The following MTHFSD variants were observed in gnomAD, a reference collection of about 807,000 sequenced individuals.
MTHFSD encodes methenyltetrahydrofolate synthetase domain containing, also known as methenyltetrahydrofolate synthase domain-containing protein.
Under a neutral mutation model 31.1 loss-of-function variants are expected in MTHFSD, and 37 were observed. The ratio of observed to expected loss-of-function variants is 1.19; its 90% CI spans 0.91 to 1.56. The LOEUF (loss-of-function observed/expected upper bound fraction) is 1.56, where lower values mean the gene tolerates loss of function less well. Ranked by LOEUF, MTHFSD falls within the 40% of genes most tolerant of loss-of-function variation. The pLI is 0.00. For synonymous variants in MTHFSD, 221 were observed against 206.9 expected, an observed-to-expected ratio of 1.07 and a Z score of -0.59; for missense variants, 664 against 510.1, an observed-to-expected ratio of 1.30 and a Z score of -2.91.
intron 4 of MTHFSD, among the ~76,000 whole-genome samples, chr16:86,547,834 T>G (rs975631728): frequency 1.3e-5 from 2 of 152,182 alleles, no homozygotes; most frequent in African/African-American, 4.8e-5. Context: ...TGTCTTATTT[T>G]TTCTTCTCAG....
At position 86,542,253 on chromosome 16, in the gene MTHFSD, G is replaced by A. The variant is rs1420160075; in HGVS notation, c.443-40C>T. ...AGAATCAGTATCGCTGTGCGGTCCG[G>A]GGCATCGCTGAGAAGTGGATTTTCC... On this transcript the variant is annotated intron_variant, in intron 5 of 7. Transcript: ENST00000360900. This position sits in a 1 kb window ranked among gnomAD's most constrained non-coding sequence, Gnocchi z 4.6. 2 of 1,535,908 alleles carry A rather than the reference G, an allele frequency of 1.3e-6. No individual in the cohort carries two copies.
intron 2 of MTHFSD, chr16:86,553,756 T>C (rs556444920): frequency 6.5e-6 from 1 of 152,860 alleles, no homozygotes; most frequent in South Asian, 2.1e-4. Flanking sequence ...TGCACGGGAC[T>C]GGCAGGCAGC....
chr16:86,534,896 C>G (rs970497133), intron 7 of MTHFSD, among the ~76,000 whole-genome samples: 1 of 152,146 alleles, frequency 6.6e-6, no homozygotes, highest in African/African-American at 2.4e-5. Context: ...TGGGGTCCAT[C>G]GGGAGCTGCG....
rs750496527 is a variant in MTHFSD at position 86,546,618 on chromosome 16, A to T, written c.383T>A (p.Leu128Ter). ...GVRNYSVPIG[L>*]DSRVLVDLVV... ...TAAATCCACGAGGACTCTGGAGTCC[A>T]AGCCTATGGGGACACTGTAGTTCCT... Residue 128 changes from leucine (L) to a stop codon, truncating the protein, a stop_gained, in exon 5 of 8, where the codon TTG becomes TAG. Coordinates refer to ENST00000360900, the MANE Select transcript of MTHFSD (RefSeq NM_001159377.2). LOFTEE classifies it high-confidence loss of function. 1.2e-6 allele frequency: 2 copies of T among 1,613,988 alleles called. No individual in the cohort carries two copies. The highest frequency in any genetic ancestry group is 1.6e-4 in the Middle Eastern group (1 of 6,062).
rs530341251 is a variant in MTHFSD, at chr16:86,535,892, C to T, written c.682-3411G>A. Among the ~76,000 whole-genome samples, 10 of 152,276 alleles carry T rather than the reference C, an allele frequency of 6.6e-5. No homozygotes were observed. In the East Asian group the frequency reaches 1.9e-3, roughly 29 times the overall value. ...AGAGACAGGGTCTCACTGTGTCACC[C>T]AGGCTGGAGTACAGTGGCACAACTC... On this transcript the variant is annotated intron_variant, in intron 7 of 7. Coordinates refer to ENST00000360900, the MANE Select transcript of MTHFSD (RefSeq NM_001159377.2).
In MTHFSD at chr16:86,554,727, C is replaced by A; in HGVS notation, c.41G>T (p.Arg14Leu). 6.2e-7 allele frequency: 1 copy of A among 1,614,080 alleles called. No homozygotes were observed. The highest frequency in any genetic ancestry group is 8.5e-7 in the Non-Finnish European group (1 of 1,179,932). ...RAVGVSKQDIREQIWGYMESQ... is the reference protein window; with the variant it reads ...RAVGVSKQDILEQIWGYMESQ... ...TTCCATGTAGCCCCAAATTTGTTCA[C>A]GTATGTCCTGTTTGGAGACACCTAC... Residue 14 changes from arginine (R) to leucine (L), a missense_variant, in exon 2 of 8, where the codon CGT (arginine) becomes CTT (leucine). Physicochemically the swap from Arg to Leu is moderately radical, Grantham distance 102. Coordinates refer to ENST00000360900, the MANE Select transcript of MTHFSD (RefSeq NM_001159377.2).
intron 5 of MTHFSD, among the ~76,000 whole-genome samples, chr16:86,544,940 G>A (rs1005376243): frequency 6.6e-6 from 1 of 152,188 alleles, no homozygotes; most frequent in East Asian, 1.9e-4. Flanking sequence ...ATTATCCTCA[G>A]CAAACGAACG....
At chr16:86,540,013 C>T (rs1325378530) in intron 7 of MTHFSD, among the ~76,000 whole-genome samples, 1 of 152,182 alleles carries the variant, frequency 6.6e-6, no homozygotes, top group African/African-American at 2.4e-5. Flanking sequence ...TATAACCTAG[C>T]ACTGAACTGT....
chr16:86,552,377 A>C, intron 2 of MTHFSD: 74 of 1,162,552 alleles, frequency 6.4e-5, no homozygotes, highest in Non-Finnish European at 7.8e-5. Context: ...CCAGAATCTC[A>C]CCCAGACAGG....
At chr16:86,555,021 C>A in intron 1 of MTHFSD, 148 bp downstream of exon 1, 1 of 1,432,200 alleles carries the variant, frequency 7.0e-7, no homozygotes, top group Non-Finnish European at 9.2e-7. Flanking sequence ...CGACCCGAAC[C>A]CAGCACAGAC....
rs1008211510 is a variant in MTHFSD, at chr16:86,548,046, G to A, written c.351+418C>T. On this transcript the variant is annotated intron_variant, in intron 4 of 7. Coordinates refer to ENST00000360900, the MANE Select transcript of MTHFSD (RefSeq NM_001159377.2). ...CAGCAATTACTCACTTAGAACTGGTGAGGCAATTTCCAATGGAGCATGTTT... is the reference window on the plus strand; with the variant it reads ...CAGCAATTACTCACTTAGAACTGGTAAGGCAATTTCCAATGGAGCATGTTT... The A allele has an allele frequency of 4.0e-5, 51 of 1,289,782 alleles. No individual in the cohort carries two copies. The Admixed American group carries it at 1.1e-3, about 28-fold the overall frequency. The allele number at this position is 1,289,782 out of a possible 1,614,324, so 79.9% of individuals were successfully genotyped here.
At chr16:86,535,160 T>G in intron 7 of MTHFSD, 2 of 832,320 alleles carry the variant, frequency 2.4e-6, no homozygotes, top group Non-Finnish European at 2.9e-6. Flanking sequence ...TAACCACACA[T>G]TATGAGCTAA....
At chr16:86,551,463 T>C (rs2143855696) in intron 3 of MTHFSD, among the ~76,000 whole-genome samples, 1 of 152,372 alleles carries the variant, frequency 6.6e-6, no homozygotes, top group South Asian at 2.1e-4. Flanking sequence ...AAACTGAGAA[T>C]GCTTCAACGC....
rs1167814515 is a variant in MTHFSD, at chr16:86,538,109, GA to G, written c.681+3587del. Among the ~76,000 whole-genome samples, 17 of 152,356 alleles carry G rather than the reference GA, an allele frequency of 1.1e-4. No homozygotes were observed. The East Asian group carries it at 3.3e-3, about 29-fold the overall frequency. ...TGTGGGTGCCCGAGTGGCTTCTCCT[GA>G]GCCCTCAGTCTCCCACTCAGGCTGG... On this transcript the variant is annotated intron_variant, in intron 7 of 7. Coordinates refer to ENST00000360900, the MANE Select transcript of MTHFSD (RefSeq NM_001159377.2).
At position 86,535,209 on chromosome 16, in the gene MTHFSD, G is replaced by A. The variant is rs532123360; in HGVS notation, c.682-2728C>T. On this transcript the variant is annotated intron_variant, in intron 7 of 7. Coordinates refer to ENST00000360900, the MANE Select transcript of MTHFSD (RefSeq NM_001159377.2). ...CACTGGCACACTGGCATCCGCAGGGGCCGTTAGAATGGAAATGTGGAAGTG... is the reference window on the plus strand; with the variant it reads ...CACTGGCACACTGGCATCCGCAGGGACCGTTAGAATGGAAATGTGGAAGTG... 391 of 984,694 alleles carry A rather than the reference G, an allele frequency of 4.0e-4. No homozygotes were observed. The African/African-American group carries it at 6.7e-3, about 17-fold the overall frequency. The allele number at this position is 984,694 out of a possible 1,614,324, so 61.0% of individuals were successfully genotyped here. A position where few individuals can be genotyped will look rare whatever the true frequency, so the allele number is the denominator to read the frequency against.
chr16:86,539,838 C>T (rs531196923), intron 7 of MTHFSD, among the ~76,000 whole-genome samples: 2 of 152,102 alleles, frequency 1.3e-5, no homozygotes, highest in Non-Finnish European at 2.9e-5. Context: ...GTTTGTACTT[C>T]CTTCACATCC....
Position 86,530,318 on chromosome 16 carries a change from C to A in MTHFSD, c.*1693G>T, listed in dbSNP as rs761886796. ...ACCTGGATTATTCTGGCTAAAGCGA[C>A]AGGAAATCCCAGCAGTCTGGCTTCC... On this transcript the variant is annotated 3_prime_UTR_variant, in exon 8 of 8. Coordinates refer to ENST00000360900, the MANE Select transcript of MTHFSD (RefSeq NM_001159377.2). 2.0e-5 allele frequency: 3 copies of A among 152,214 alleles called. No homozygotes were observed. The highest frequency in any genetic ancestry group is 6.5e-5 in the Admixed American group (1 of 15,282). 9.4% of individuals were successfully genotyped at this position (152,214 alleles called of 1,614,324 possible).
intron 3 of MTHFSD, among the ~76,000 whole-genome samples, chr16:86,551,669 T>C (rs1162563671): frequency 6.6e-6 from 1 of 152,254 alleles, no homozygotes; most frequent in Non-Finnish European, 1.5e-5. Context: ...CTTGTTAGCA[T>C]GCTCATTTCA....
rs367781254 is a variant in MTHFSD at position 86,531,595 on chromosome 16, C to T, written c.*416G>A. The T allele has an allele frequency of 1.9e-5, 3 of 156,640 alleles. No homozygotes were observed. Among genetic ancestry groups the T allele is most frequent in the African/African-American group, 7.2e-5 (3 of 41,812 alleles). 9.7% of individuals were successfully genotyped at this position (156,640 alleles called of 1,614,324 possible). A position where few individuals can be genotyped will look rare whatever the true frequency, so the allele number is the denominator to read the frequency against. ...CGCGCTTCTGTACCCAGCATCCAGT[C>T]CCTGCCAGGGCCTTTTGAGAGCCGG... On this transcript the variant is annotated 3_prime_UTR_variant, in exon 8 of 8. Transcript: ENST00000360900. The surrounding 1 kb of genome is among the most constrained non-coding windows in gnomAD (Gnocchi z 5.5).
Sources: allele counts gnomAD v4.1 joint callset (sites outside exome capture counted in the v4.1 genomes callset), GRCh38; gene constraint gnomAD v4.1.1; non-coding constraint Gnocchi (gnomAD v3.1); transcripts MANE v1.5; gene names NCBI Gene and HGNC (gene_info 2026-07-23, HGNC 2026-07-21).